UBAC2: variants seen among roughly 807,000 people sequenced by gnomAD.
The protein encoded by UBAC2 is UBA domain containing 2.
Under a neutral mutation model 44.0 loss-of-function variants are expected in UBAC2, and 26 were observed. That is an observed-to-expected ratio of 0.59 (90% CI 0.43 to 0.82). The LOEUF is 0.82. Among genes scored for constraint, UBAC2 ranks in the 40% least tolerant of loss-of-function variants. UBAC2 has a pLI of 0.00. For synonymous variants in UBAC2, 155 were observed against 154.3 expected, an observed-to-expected ratio of 1.00 and a Z score of -0.04; for missense variants, 329 against 419.4, an observed-to-expected ratio of 0.78 and a Z score of 1.88.
intron 4 of UBAC2, among the ~76,000 whole-genome samples, chr13:99,259,203 TA>T (rs917959974): frequency 9.4e-4 from 143 of 152,196 alleles, no homozygotes; most frequent in African/African-American, 3.3e-3. Flanking sequence ...TCTCATTTCT[TA>T]AAAAAAATTA....
chr13:99,323,273 A>C (rs2044593559), intron 6 of UBAC2, among the ~76,000 whole-genome samples: 1 of 152,132 alleles, frequency 6.6e-6, no homozygotes, highest in Non-Finnish European at 1.5e-5. Context: ...ATTTTCTAGT[A>C]GTTCATTGAA....
chr13:99,209,189 A>G (rs181820843), intron 1 of UBAC2, among the ~76,000 whole-genome samples: 3 of 152,266 alleles, frequency 2.0e-5, no homozygotes, highest in Admixed American at 2.0e-4. Context: ...TAGCACATGA[A>G]ATAGGCCATC....
intron 6 of UBAC2, among the ~76,000 whole-genome samples, chr13:99,319,187 T>C (rs568987772): frequency 6.6e-6 from 1 of 152,344 alleles, no homozygotes; most frequent in East Asian, 1.9e-4. Context: ...AATAAGCGTT[T>C]GTCCTAAATT....
intron 7 of UBAC2, among the ~76,000 whole-genome samples, chr13:99,355,433 C>T (rs1594163767): frequency 6.6e-6 from 1 of 152,170 alleles, no homozygotes; most frequent in Non-Finnish European, 1.5e-5. Flanking sequence ...GTCACTCAGT[C>T]GAGGGAGTGA....
intron 4 of UBAC2, among the ~76,000 whole-genome samples, chr13:99,309,809 A>G (rs1321534162): frequency 6.6e-6 from 1 of 152,044 alleles, no homozygotes; most frequent in Admixed American, 6.6e-5. Flanking sequence ...ACAAGGTCTC[A>G]TTATGTTGCC....
intron 4 of UBAC2, among the ~76,000 whole-genome samples, chr13:99,308,324 G>T (rs1202223338): frequency 6.6e-6 from 1 of 152,166 alleles, no homozygotes; most frequent in Non-Finnish European, 1.5e-5. Flanking sequence ...ATAAGCTGGG[G>T]ATGTGTATGC....
At chr13:99,228,439 G>T (rs7982483) in intron 1 of UBAC2, among the ~76,000 whole-genome samples, 1 of 151,504 alleles carries the variant, frequency 6.6e-6, no homozygotes. Flanking sequence ...AGGCTCCCCC[G>T]CACCCCACCA....
chr13:99,227,771 A>ACAAG (rs1198518848), intron 1 of UBAC2, among the ~76,000 whole-genome samples: 1 of 152,222 alleles, frequency 6.6e-6, no homozygotes, highest in African/African-American at 2.4e-5. Flanking sequence ...AATGCATGGT[A>ACAAG]CAGCGTGGAT....
intron 1 of UBAC2, among the ~76,000 whole-genome samples, chr13:99,207,029 C>A (rs968658263): frequency 6.6e-6 from 1 of 152,262 alleles, no homozygotes; most frequent in Admixed American, 6.5e-5. Context: ...TTTTCTAGCA[C>A]CACTCTTGCT....
At chr13:99,242,010 C>T (rs1438887435) in intron 2 of UBAC2, among the ~76,000 whole-genome samples, 6 of 150,374 alleles carry the variant, frequency 4.0e-5, no homozygotes, top group East Asian at 3.9e-4. Context: ...TCCATTTAAC[C>T]CTGAGTGGAC....
chr13:99,290,362 C>A (rs1309702184), intron 4 of UBAC2, among the ~76,000 whole-genome samples: 1 of 152,044 alleles, frequency 6.6e-6, no homozygotes, highest in Non-Finnish European at 1.5e-5. Flanking sequence ...ATCAAGAGGC[C>A]TGGGGGAAAG....
At chr13:99,318,891 A>G (rs1227178062) in intron 6 of UBAC2, among the ~76,000 whole-genome samples, 1 of 151,502 alleles carries the variant, frequency 6.6e-6, no homozygotes, top group Non-Finnish European at 1.5e-5. Flanking sequence ...TGTGCTTTCA[A>G]GGTAATTTTG....
At chr13:99,346,429 A>G (rs1011692415) in intron 7 of UBAC2, among the ~76,000 whole-genome samples, 3 of 152,170 alleles carry the variant, frequency 2.0e-5, no homozygotes, top group African/African-American at 7.2e-5. Context: ...GGTGGTTCCA[A>G]CACAAGGCTC....
intron 4 of UBAC2, among the ~76,000 whole-genome samples, chr13:99,250,848 G>A (rs2043449871): frequency 6.6e-6 from 1 of 152,112 alleles, no homozygotes; most frequent in Non-Finnish European, 1.5e-5. Context: ...CCAGGTTCAA[G>A]CAATTCTCCT....
chr13:99,361,054 A>G (rs1382468168), intron 7 of UBAC2, among the ~76,000 whole-genome samples: 3 of 152,296 alleles, frequency 2.0e-5, no homozygotes, highest in Middle Eastern at 3.4e-3. Flanking sequence ...TTTCTGTTCC[A>G]TGGAACTTCT....
intron 8 of UBAC2, among the ~76,000 whole-genome samples, chr13:99,373,640 G>A (rs2045439726): frequency 6.6e-6 from 1 of 152,220 alleles, no homozygotes; most frequent in Non-Finnish European, 1.5e-5. Flanking sequence ...GGCCGTCAGG[G>A]CAGTGGTGTT....
rs546853426 is a variant in UBAC2, at chr13:99,367,907, G to A, written c.927+1G>A. 1.9e-6 allele frequency: 3 copies of A among 1,613,596 alleles called. No individual in the cohort carries two copies. In the South Asian group the frequency reaches 3.3e-5, roughly 18 times the overall value. On this transcript the variant is annotated splice_donor_variant, in intron 8 of 8. Coordinates refer to ENST00000403766, the MANE Select transcript of UBAC2 (RefSeq NM_001144072.2). LOFTEE classifies it high-confidence loss of function. Reference sequence around the variant, plus strand: ...CCCTCTAGAAGTTTCTGAGGAACAGGTAATTAATCAGTAATACCTGGTACT... The same window carrying A: ...CCCTCTAGAAGTTTCTGAGGAACAGATAATTAATCAGTAATACCTGGTACT...
intron 6 of UBAC2, among the ~76,000 whole-genome samples, chr13:99,330,290 C>T (rs1443224967): frequency 6.6e-6 from 1 of 151,502 alleles, no homozygotes; most frequent in Non-Finnish European, 1.5e-5. Context: ...GAAACCCCAT[C>T]TCTACTAAAA....
At chr13:99,285,502 C>G (rs1181848017) in intron 4 of UBAC2, among the ~76,000 whole-genome samples, 1 of 152,058 alleles carries the variant, frequency 6.6e-6, no homozygotes, top group Non-Finnish European at 1.5e-5. Context: ...AAGGGATCCT[C>G]CTGCCTTAGC....
Sources: allele counts gnomAD v4.1 joint callset (sites outside exome capture counted in the v4.1 genomes callset), GRCh38; gene constraint gnomAD v4.1.1; transcripts MANE v1.5; gene names NCBI Gene and HGNC (gene_info 2026-07-23, HGNC 2026-07-21).